The following GPR39 variants were observed in gnomAD, a reference collection of about 807,000 sequenced individuals.
GPR39 encodes the protein zinc sensing receptor.
In GPR39, 23 loss-of-function variants were observed where a neutral mutation model predicts 18.4. That is an observed-to-expected ratio of 1.25 (90% CI 0.90 to 1.77). The LOEUF (loss-of-function observed/expected upper bound fraction) is 1.77. Among genes scored for constraint, GPR39 ranks in the 40% most tolerant of loss-of-function variants. GPR39 has a pLI of 0.00. For synonymous variants in GPR39, 280 were observed against 257.9 expected (o/e 1.09, Z -0.82); for missense variants, 647 against 602.4 (o/e 1.07, Z -0.78).
chr2:132,532,409 C>T (rs1679656771), intron 1 of GPR39, among the ~76,000 whole-genome samples: 2 of 152,116 alleles, frequency 1.3e-5, no homozygotes, highest in African/African-American at 4.8e-5. Flanking sequence ...CGAATTCTAC[C>T]AGAGGTACAA....
intron 1 of GPR39, chr2:132,604,451 C>T (rs990708219): frequency 1.3e-5 from 2 of 152,156 alleles, no homozygotes; most frequent in Non-Finnish European, 2.9e-5. Context: ...ATCACACAAG[C>T]CAACAGACCT....
intron 1 of GPR39, among the ~76,000 whole-genome samples, chr2:132,566,284 G>A (rs1410952169): frequency 6.8e-6 from 1 of 146,636 alleles, no homozygotes; most frequent in Non-Finnish European, 1.5e-5. Flanking sequence ...TGAGTTCATT[G>A]TAGATTCTGG....
intron 1 of GPR39, among the ~76,000 whole-genome samples, chr2:132,477,469 G>C (rs1460301760): frequency 6.6e-6 from 1 of 152,200 alleles, no homozygotes; most frequent in Non-Finnish European, 1.5e-5. Context: ...GGGAGGCTGA[G>C]GTGAGAGGCT....
intron 1 of GPR39, among the ~76,000 whole-genome samples, chr2:132,558,670 C>T (rs998644954): frequency 6.6e-6 from 1 of 152,124 alleles, no homozygotes; most frequent in African/African-American, 2.4e-5. Context: ...ACTTGAGATA[C>T]ATGAAGGTGG....
intron 1 of GPR39, among the ~76,000 whole-genome samples, chr2:132,427,169 A>ATTT (rs541308673): frequency 9.4e-6 from 1 of 105,828 alleles, no homozygotes; most frequent in African/African-American, 4.0e-5. Flanking sequence ...TATATATGAA[A>ATTT]TTTTTTTTTT....
intron 1 of GPR39, among the ~76,000 whole-genome samples, chr2:132,453,202 G>A (rs961643577): frequency 2.6e-5 from 4 of 152,166 alleles, no homozygotes; most frequent in African/African-American, 7.2e-5. Flanking sequence ...ATCTCATTGT[G>A]GTTTTGATTT....
intron 1 of GPR39, among the ~76,000 whole-genome samples, chr2:132,479,522 C>T (rs1681192229): frequency 6.6e-6 from 1 of 152,122 alleles, no homozygotes; most frequent in African/African-American, 2.4e-5. Flanking sequence ...TTATAAAGAT[C>T]CTTAAGTGGG....
intron 1 of GPR39, among the ~76,000 whole-genome samples, chr2:132,619,981 T>A (rs949455712): frequency 9.2e-5 from 14 of 152,038 alleles, no homozygotes; most frequent in African/African-American, 3.4e-4. Context: ...CCTGCGCAAA[T>A]CTCTGCCCTT....
At chr2:132,532,451 T>C (rs1023126606) in intron 1 of GPR39, among the ~76,000 whole-genome samples, 2 of 152,156 alleles carry the variant, frequency 1.3e-5, no homozygotes, top group African/African-American at 2.4e-5. Context: ...TCTGAAACTA[T>C]TCCAATCAAT....
intron 1 of GPR39, among the ~76,000 whole-genome samples, chr2:132,597,287 G>A (rs2104837519): frequency 6.6e-6 from 1 of 152,308 alleles, no homozygotes; most frequent in Middle Eastern, 3.4e-3. Context: ...CAGAACATCA[G>A]CTTCCCAGCC....
At chr2:132,493,296 T>C (rs925704684) in intron 1 of GPR39, among the ~76,000 whole-genome samples, 2 of 146,224 alleles carry the variant, frequency 1.4e-5, no homozygotes, top group Non-Finnish European at 3.0e-5. Context: ...ACCATATATA[T>C]ACACCATATA....
At chr2:132,475,886 A>C (rs1447226694) in intron 1 of GPR39, among the ~76,000 whole-genome samples, 1 of 152,184 alleles carries the variant, frequency 6.6e-6, no homozygotes, top group East Asian at 1.9e-4. Context: ...CCATCCTCAT[A>C]GTTGTCATTA....
At position 132,487,643 on chromosome 2, in the gene GPR39, T is replaced by G. The variant is rs1279137745; in HGVS notation, c.856+69745T>G. Among the ~76,000 whole-genome samples, 5 of 152,134 alleles carry G rather than the reference T, an allele frequency of 3.3e-5. No individual in the cohort carries two copies. The East Asian group carries it at 9.6e-4, about 29-fold the overall frequency. On this transcript the variant is annotated intron_variant, in intron 1 of 1. Coordinates refer to ENST00000329321, the MANE Select transcript of GPR39 (RefSeq NM_001508.3). Reference sequence around the variant, plus strand: ...AAATGAAAATTATAATAGTCAAAATTTAATGATTATATTTAACAGATTTAA... The same window carrying G: ...AAATGAAAATTATAATAGTCAAAATGTAATGATTATATTTAACAGATTTAA...
chr2:132,473,638 A>G (rs1681072480), intron 1 of GPR39, among the ~76,000 whole-genome samples: 2 of 152,184 alleles, frequency 1.3e-5, no homozygotes, highest in Non-Finnish European at 2.9e-5. Context: ...GAAGTATGTT[A>G]TTTTATCTAA....
intron 1 of GPR39, among the ~76,000 whole-genome samples, chr2:132,552,871 TACACATATATATATAC>T (rs1482843335): frequency 0.16 from 23,202 of 143,510 alleles, 2,226 homozygotes; most frequent in African/African-American, 0.25. Flanking sequence ...TACATATATA[TACACATATATATATAC>T]ACACATATAT....
chr2:132,598,325 C>G (rs113919296), intron 1 of GPR39, among the ~76,000 whole-genome samples: 1,689 of 150,686 alleles, frequency 0.011, 40 homozygotes, highest in African/African-American at 0.039. Context: ...CTAGGGAAGC[C>G]TATGGCTCTC....
intron 1 of GPR39, among the ~76,000 whole-genome samples, chr2:132,627,485 A>G (rs1006093008): frequency 4.6e-5 from 7 of 152,332 alleles, no homozygotes; most frequent in African/African-American, 7.2e-5. Flanking sequence ...TCAAATGTCA[A>G]TATGCCGAGT....
At chr2:132,600,714 A>C (rs1053121190) in intron 1 of GPR39, among the ~76,000 whole-genome samples, 4 of 152,186 alleles carry the variant, frequency 2.6e-5, no homozygotes, top group African/African-American at 9.6e-5. Context: ...ACTCAGTAAT[A>C]AAAAGTCTCC....
chr2:132,459,894 G>A (rs114363865), intron 1 of GPR39, among the ~76,000 whole-genome samples: 2,382 of 152,198 alleles, frequency 0.016, 58 homozygotes, highest in African/African-American at 0.054. Flanking sequence ...CTTCCAAAAC[G>A]ATACCTGCTA....
Sources: allele counts gnomAD v4.1 joint callset (sites outside exome capture counted in the v4.1 genomes callset), GRCh38; gene constraint gnomAD v4.1.1; transcripts MANE v1.5; gene names NCBI Gene and HGNC (gene_info 2026-07-23, HGNC 2026-07-21).